SLC35F3: variants seen among roughly 807,000 people sequenced by gnomAD.
SLC35F3 encodes the protein putative thiamine transporter SLC35F3.
In SLC35F3, 25 loss-of-function variants were observed where a neutral mutation model predicts 49.9. The ratio of observed to expected loss-of-function variants is 0.50; its 90% CI spans 0.37 to 0.70. The LOEUF is 0.70. SLC35F3 is among the 30% of genes least tolerant of loss of function. The pLI, the probability that SLC35F3 is intolerant of heterozygous loss-of-function variation, is 0.00. For synonymous variants in SLC35F3, 275 were observed against 265.4 expected, an observed-to-expected ratio of 1.04 and a Z score of -0.35; for missense variants, 525 against 639.8, an observed-to-expected ratio of 0.82 and a Z score of 1.94.
At chr1:234,187,695 T>C (rs1044747254) in intron 2 of SLC35F3, among the ~76,000 whole-genome samples, 2 of 152,120 alleles carry the variant, frequency 1.3e-5, no homozygotes, top group African/African-American at 4.8e-5. Flanking sequence ...GCTGAGACAA[T>C]GTAGACACCT....
intron 3 of SLC35F3, among the ~76,000 whole-genome samples, chr1:234,308,121 T>G (rs983651994): frequency 2.0e-5 from 3 of 152,214 alleles, no homozygotes; most frequent in African/African-American, 7.2e-5. Flanking sequence ...GATCTGCTTA[T>G]TCTTCCTGTG....
In SLC35F3 at chr1:234,231,465, C is replaced by T. The variant is rs1343882726; in HGVS notation, c.332C>T (p.Pro111Leu). ...CCGGGCCCGGCGGAGGCCCAGGCAC[C>T]GGCCGGGGTGGAGGCCGGCGGGAGA... ...DSPGPAEAQA[P>L]AGVEAGGRAS... Residue 111 changes from proline to leucine, a missense_variant, in exon 3 of 8, where the codon CCG (proline) becomes CTG (leucine). Physicochemically the swap from Pro to Leu is moderately conservative, Grantham distance 98. This residue lies in a region of SLC35F3 where 228 missense variants were observed against 218.9 expected (regional missense o/e 1.04). Transcript: ENST00000366618. The surrounding 1 kb of genome is among the most constrained non-coding windows in gnomAD (Gnocchi z 5.4). 4 of 1,610,010 alleles carry T rather than the reference C, an allele frequency of 2.5e-6. No homozygotes were observed. Among genetic ancestry groups the T allele is most frequent in the East Asian group, 4.5e-5 (2 of 44,752 alleles).
At chr1:233,954,248 C>T (rs757227406) in intron 2 of SLC35F3, among the ~76,000 whole-genome samples, 18 of 152,168 alleles carry the variant, frequency 1.2e-4, no homozygotes, top group Non-Finnish European at 2.1e-4. Context: ...CCTCGTGATC[C>T]GCCCACCTTG....
chr1:234,206,108 AG>A (rs1205211429), intron 2 of SLC35F3, among the ~76,000 whole-genome samples: 1 of 152,056 alleles, frequency 6.6e-6, no homozygotes, highest in Non-Finnish European at 1.5e-5. Flanking sequence ...AGATGTGACA[AG>A]TACTTTTCAG....
chr1:234,085,380 G>A lies in SLC35F3; in HGVS notation c.284-146037G>A, dbSNP rs112526670. Among the ~76,000 whole-genome samples, 383 of 152,274 alleles carry A rather than the reference G, an allele frequency of 2.5e-3. 3 individuals are homozygous for A. The highest frequency in any genetic ancestry group is 8.8e-3 in the African/African-American group (366 of 41,548). On this transcript the variant is annotated intron_variant, in intron 2 of 7. Transcript: ENST00000366618. ...ATGCCTGGATCTTTATGATCAACTT[G>A]GGCCTTCAAAAATTGGTTTTTGTTT... is the stretch of plus-strand genomic sequence containing the variant.
In SLC35F3 at chr1:234,068,578, A is replaced by G. The variant is rs532640519; in HGVS notation, c.283+162820A>G. Among the ~76,000 whole-genome samples the G allele has an allele frequency of 5.3e-5, 8 of 152,138 alleles. No homozygotes were observed. In the South Asian group the frequency reaches 1.7e-3, roughly 32 times the overall value. On this transcript the variant is annotated intron_variant, in intron 2 of 7. Transcript: ENST00000366618. ...TGCTGTCCCTGAAACAGAAGTAGGC[A>G]CAAATAGGAACTATAATAGAAGTAG...
chr1:234,251,253 C>G (rs1667733663), intron 3 of SLC35F3, among the ~76,000 whole-genome samples: 2 of 152,158 alleles, frequency 1.3e-5, no homozygotes, highest in African/African-American at 4.8e-5. Context: ...CAAGGAAAGA[C>G]TGCTTAGTGA....
chr1:234,063,501 G>A (rs1324662343), intron 2 of SLC35F3, among the ~76,000 whole-genome samples: 1 of 152,124 alleles, frequency 6.6e-6, no homozygotes, highest in Non-Finnish European at 1.5e-5. Context: ...ACAGAGGTTT[G>A]GGGAGTTCCT....
At chr1:233,909,439 T>C (rs72751787) in intron 2 of SLC35F3, among the ~76,000 whole-genome samples, 4,178 of 152,306 alleles carry the variant, frequency 0.027, 126 homozygotes, top group East Asian at 0.15. Context: ...AATGAATGGA[T>C]GGCTGCTGCA....
At position 233,905,616 on chromosome 1, in the gene SLC35F3, C is replaced by T. The variant is rs1327085054; in HGVS notation, c.141C>T (p.Asp47=). 8.1e-6 allele frequency: 13 copies of T among 1,614,006 alleles called. No individual in the cohort carries two copies. Among genetic ancestry groups the T allele is most frequent in the Admixed American group, 1.7e-5 (1 of 60,012 alleles). Residue 47 remains aspartate (D), a synonymous_variant, in exon 2 of 8, where the codon GAC becomes GAT. Transcript: ENST00000366618. ...GGCAGCTCAAGTACTTGGTGGTGGACGAGGCGATTAAGGAGGATCTGAAAT... is the reference window on the plus strand; with the variant it reads ...GGCAGCTCAAGTACTTGGTGGTGGATGAGGCGATTAAGGAGGATCTGAAAT... ...QLRQLKYLVV[D]EAIKEDLKWS...
intron 2 of SLC35F3, among the ~76,000 whole-genome samples, chr1:234,136,338 G>A (rs1306965961): frequency 7.6e-6 from 1 of 132,282 alleles, no homozygotes; most frequent in Non-Finnish European, 1.6e-5. Flanking sequence ...TTCCCTCTTT[G>A]TTTTTTCTTT....
chr1:234,256,010 A>G (rs950909953), intron 3 of SLC35F3, among the ~76,000 whole-genome samples: 1 of 152,186 alleles, frequency 6.6e-6, no homozygotes, highest in Admixed American at 6.5e-5. Context: ...ATGTACATCA[A>G]TGCAAGATAT....
chr1:234,101,471 T>C (rs1224008686), intron 2 of SLC35F3, among the ~76,000 whole-genome samples: 1 of 152,244 alleles, frequency 6.6e-6, no homozygotes, highest in Non-Finnish European at 1.5e-5. Flanking sequence ...CTGTAGTTCC[T>C]CTACTATTAA....
At chr1:234,099,577 T>C (rs1665182993) in intron 2 of SLC35F3, among the ~76,000 whole-genome samples, 1 of 130,630 alleles carries the variant, frequency 7.7e-6, no homozygotes, top group Non-Finnish European at 1.5e-5. Flanking sequence ...GCCACTGCAC[T>C]CCAGCCTGGC....
At chr1:233,970,967 A>G (rs1662981541) in intron 2 of SLC35F3, among the ~76,000 whole-genome samples, 1 of 152,240 alleles carries the variant, frequency 6.6e-6, no homozygotes, top group African/African-American at 2.4e-5. Context: ...GGCTTATTCA[A>G]TGGCACTGAA....
At position 234,231,238 on chromosome 1, in the gene SLC35F3, G is replaced by T. The variant is rs1022934814; in HGVS notation, c.284-179G>T. On this transcript the variant is annotated intron_variant, in intron 2 of 7. Coordinates refer to ENST00000366618, the MANE Select transcript of SLC35F3 (RefSeq NM_173508.4). The surrounding 1 kb of genome is among the most constrained non-coding windows in gnomAD (Gnocchi z 5.4). ...TCGGACCTGGAGGACAGGAAAACCA[G>T]TGCAAACGTTTTCTATTGCAGCTTG... Among the ~76,000 whole-genome samples the T allele has an allele frequency of 2.6e-5, 4 of 152,226 alleles. No individual in the cohort carries two copies. In the East Asian group the frequency reaches 7.7e-4, roughly 29 times the overall value.
intron 2 of SLC35F3, among the ~76,000 whole-genome samples, chr1:234,139,757 G>A (rs1022717517): frequency 6.6e-6 from 1 of 151,674 alleles, no homozygotes; most frequent in African/African-American, 2.4e-5. Flanking sequence ...AGACCATCCT[G>A]GCCAACATGG....
intron 3 of SLC35F3, among the ~76,000 whole-genome samples, chr1:234,244,731 C>A (rs1667606299): frequency 1.3e-5 from 2 of 151,650 alleles, no homozygotes; most frequent in Admixed American, 1.3e-4. Flanking sequence ...CAGGAAGTTT[C>A]AATTCCACAT....
At chr1:234,170,815 C>T (rs771799344) in intron 2 of SLC35F3, among the ~76,000 whole-genome samples, 33 of 150,960 alleles carry the variant, frequency 2.2e-4, no homozygotes, top group Non-Finnish European at 3.7e-4. Flanking sequence ...AACGGTTGCA[C>T]GAACGCAATT....
Sources: gnomAD v4.1 joint callset for allele counts (sites outside exome capture counted in the v4.1 genomes callset) on GRCh38, gnomAD v4.1.1 for gene constraint, gnomAD v4.1.1 regional missense constraint, Gnocchi (gnomAD v3.1) non-coding constraint, MANE v1.5 for transcripts, NCBI Gene and HGNC (gene_info 2026-07-23, HGNC 2026-07-21) for gene names.